Variants in PIK3C2B observed in about 807,000 individuals in gnomAD.
The protein encoded by PIK3C2B is phosphatidylinositol-4-phosphate 3-kinase catalytic subunit type 2 beta.
PIK3C2B carries 83 observed loss-of-function variants against 184.3 expected under a neutral mutation model. That is an observed-to-expected ratio of 0.45 (90% confidence interval 0.38 to 0.54). The LOEUF is 0.54. Ranked by LOEUF, PIK3C2B falls within the 20% of genes least tolerant of loss-of-function variation. The pLI, the probability that PIK3C2B is intolerant of heterozygous loss-of-function variation, is 0.00. For synonymous variants in PIK3C2B, 779 were observed against 837.6 expected (o/e 0.93, Z 1.21); for missense variants, 1,736 against 2,113.5 (o/e 0.82, Z 3.50).
chr1:204,482,224 A>G lies in PIK3C2B; in HGVS notation c.-85+12132T>C, dbSNP rs946320655. 4.6e-5 allele frequency among the ~76,000 whole-genome samples: 7 copies of G among 151,732 alleles called. 1 individual carries two copies. Among genetic ancestry groups the G allele is most frequent in the Admixed American group, 3.3e-4 (5 of 15,248 alleles). On this transcript the variant is annotated intron_variant, in intron 1 of 32. Coordinates refer to ENST00000684373, the MANE Select transcript of PIK3C2B (RefSeq NM_001377334.1). ...GCCCCTCTAGAGTACAGTCCCCACAATGCTGCCCACTGGGCAGCCTGCCCC... is the reference window on the plus strand; with the variant it reads ...GCCCCTCTAGAGTACAGTCCCCACAGTGCTGCCCACTGGGCAGCCTGCCCC...
chr1:204,456,037 C>A lies in PIK3C2B; in HGVS notation c.1762G>T (p.Ala588Ser), dbSNP rs2103498047. 3 of 1,612,826 alleles carry A rather than the reference C, an allele frequency of 1.9e-6. No homozygotes were observed. Among genetic ancestry groups the A allele is most frequent in the Middle Eastern group, 1.7e-4 (1 of 6,056 alleles). The change falls in exon 11 of 33, where the codon GCC becomes TCC. Residue 588 changes from alanine to serine, a missense_variant. Transcript: ENST00000684373. The stretch of plus-strand genomic sequence containing the variant: ...AGGTCCAAGATGGCAGCGGTCAGGG[C>A]TTCCACGACCTTCTCTGGGAAGGGA... Reference protein sequence around the residue: ...VRENREKVVEALTAAILDLVE... With the variant: ...VRENREKVVESLTAAILDLVE...
rs768605533 is a variant in PIK3C2B, at chr1:204,449,302, A to G, written c.2235-6T>C. On this transcript the variant is annotated splice_region_variant and splice_polypyrimidine_tract_variant and intron_variant, in intron 13 of 32. Transcript: ENST00000684373. ...TCCGGCCACAGGTCAGGACCCTAAG[A>G]AGGAGGGAGAGTGGGAAGAGCTGCT... 6.2e-7 allele frequency: 1 copy of G among 1,601,842 alleles called. No individual in the cohort carries two copies. Among genetic ancestry groups the G allele is most frequent in the East Asian group, 2.2e-5 (1 of 44,700 alleles).
chr1:204,465,138 TAAAG>T, intron 3 of PIK3C2B, 77 bp downstream of exon 3: 1 of 841,416 alleles, frequency 1.2e-6, no homozygotes. Flanking sequence ...TCTTCCCTCC[TAAAG>T]AAAGTTTGGA....
chr1:204,474,808 C>T (rs1656590843), intron 1 of PIK3C2B, among the ~76,000 whole-genome samples: 1 of 151,978 alleles, frequency 6.6e-6, no homozygotes, highest in Admixed American at 6.5e-5. Context: ...TCCAAATGTC[C>T]AAAACTCAAC....
In PIK3C2B at chr1:204,454,700, A is replaced by G. The variant is rs757978385; in HGVS notation, c.2035T>C (p.Tyr679His). The change falls in exon 12 of 33, where the codon TAC (tyrosine) becomes CAC (histidine). Residue 679 changes from tyrosine (Y) to histidine (H), a missense_variant. Physicochemically the swap from Tyr to His is moderately conservative, Grantham distance 83. Around this residue, in one of 8 missense-constraint regions of PIK3C2B, gnomAD observed 609 missense variants for 699.2 expected, o/e 0.87. Transcript: ENST00000684373. ...TCCCAGACGATGAGGTGGAAGAGGT[A>G]CTTGGAGAAGTGAGCTCTTCGGGTC... ...LQTRRAHFSK[Y>H]LFHLIVWDQQ... 3.1e-6 allele frequency: 5 copies of G among 1,613,252 alleles called. No individual in the cohort carries two copies. Among genetic ancestry groups the G allele is most frequent in the Non-Finnish European group, 4.2e-6 (5 of 1,179,960 alleles).
chr1:204,467,314 G>T, intron 2 of PIK3C2B: 1 of 177,868 alleles, frequency 5.6e-6, no homozygotes, highest in East Asian at 1.6e-4. Flanking sequence ...TCTCAGAGCA[G>T]GGCCTTTAAA....
At chr1:204,442,683 T>C (rs1003844100) in intron 19 of PIK3C2B, 50 bp from the exon 20 acceptor site, 7 of 1,280,652 alleles carry the variant, frequency 5.5e-6, no homozygotes, top group Non-Finnish European at 7.8e-6. Context: ...GGGTCCATAC[T>C]GAGAACCAGA....
intron 28 of PIK3C2B, among the ~76,000 whole-genome samples, chr1:204,430,962 A>G (rs561007385): frequency 3.3e-5 from 5 of 152,246 alleles, no homozygotes; most frequent in Non-Finnish European, 7.3e-5. Context: ...CCTGAAAAGT[A>G]GTTTTTAAAA....
At chr1:204,461,756 A>T (rs1367555381) in intron 5 of PIK3C2B, among the ~76,000 whole-genome samples, 1 of 149,920 alleles carries the variant, frequency 6.7e-6, no homozygotes, top group Admixed American at 6.6e-5. Flanking sequence ...CTGGTGGGAG[A>T]GCCTGGGAGG....
At position 204,432,180 on chromosome 1, in the gene PIK3C2B, A is replaced by G. The variant is rs1675097586; in HGVS notation, c.4155+20T>C. ...TCAGCAGAGAGCAGGAAAGGGGGTC[A>G]GATTGGAGAAAACACTTACATAGCC... On this transcript the variant is annotated intron_variant, in intron 27 of 32. Transcript: ENST00000684373. The G allele has an allele frequency of 6.2e-7, 1 of 1,605,996 alleles. No homozygotes were observed. The highest frequency in any genetic ancestry group is 1.3e-5 in the African/African-American group (1 of 74,758).
chr1:204,431,875 G>A, intron 27 of PIK3C2B, 82 bp from the exon 28 acceptor site: 2 of 1,530,496 alleles, frequency 1.3e-6, no homozygotes, highest in Non-Finnish European at 1.8e-6. Context: ...GGAAGTGTAT[G>A]TATGTGCTGA....
rs371279623 is a variant in PIK3C2B at position 204,468,907 on chromosome 1, G to T, written c.896C>A (p.Ala299Glu). ...AATCCGGCGGTTCTTGCCAGGCGTC[G>T]CATTCTTTCGGTTGCCATAGCGGGA... ...YASRYGNRKN[A>E]TPGKNRRISA... Residue 299 changes from alanine to glutamate, a missense_variant, in exon 2 of 33, where the codon GCG becomes GAG. Transcript: ENST00000684373. 207 of 1,600,060 alleles carry T rather than the reference G, an allele frequency of 1.3e-4. No homozygotes were observed. The highest frequency in any genetic ancestry group is 1.7e-4 in the Non-Finnish European group (202 of 1,172,016).
At chr1:204,448,936 G>A (rs1206232093) in intron 14 of PIK3C2B, among the ~76,000 whole-genome samples, 1 of 152,120 alleles carries the variant, frequency 6.6e-6, no homozygotes, top group Non-Finnish European at 1.5e-5. Flanking sequence ...AATGCAGAGG[G>A]TCTCAGACCC....
intron 15 of PIK3C2B, among the ~76,000 whole-genome samples, chr1:204,446,509 T>A (rs1653876931): frequency 6.6e-6 from 1 of 152,200 alleles, no homozygotes; most frequent in Non-Finnish European, 1.5e-5. Context: ...GGGCACCGAA[T>A]CTGCTACCCC....
intron 1 of PIK3C2B, among the ~76,000 whole-genome samples, chr1:204,488,947 T>C (rs771080349): frequency 5.9e-5 from 9 of 152,182 alleles, no homozygotes; most frequent in South Asian, 2.1e-4. Context: ...TGTGATCCTA[T>C]TGTCTTCCAG....
intron 14 of PIK3C2B, 151 bp downstream of exon 14, chr1:204,449,034 T>C (rs1275129592): frequency 4.7e-6 from 3 of 640,852 alleles, no homozygotes; most frequent in Non-Finnish European, 5.6e-6. Flanking sequence ...CATCTAACCA[T>C]ATTCCCTCAG....
intron 1 of PIK3C2B, among the ~76,000 whole-genome samples, chr1:204,478,426 AG>A (rs1441658595): frequency 6.6e-6 from 1 of 152,190 alleles, no homozygotes; most frequent in African/African-American, 2.4e-5. Context: ...AGGTCAAGCA[AG>A]CCGGCTCCCC....
At chr1:204,448,261 C>T (rs1312653160) in intron 14 of PIK3C2B, among the ~76,000 whole-genome samples, 7 of 151,878 alleles carry the variant, frequency 4.6e-5, no homozygotes, top group Admixed American at 4.6e-4. Context: ...TTTACAGGCA[C>T]CCGCCACCAC....
In PIK3C2B at chr1:204,468,943, C is replaced by CG. The variant is rs749506841; in HGVS notation, c.859dup (p.Arg287ProfsTer38). 9 of 1,613,398 alleles carry CG rather than the reference C, an allele frequency of 5.6e-6. No homozygotes were observed. Among genetic ancestry groups the CG allele is most frequent in the Non-Finnish European group, 5.9e-6 (7 of 1,179,772 alleles). On this transcript the variant is annotated frameshift_variant, in exon 2 of 33. Coordinates refer to ENST00000684373, the MANE Select transcript of PIK3C2B (RefSeq NM_001377334.1). LOFTEE classifies it high-confidence loss of function. ...GTTGCCATAGCGGGAGGCATAGGTGCGGGGGGGCACCTGAGGGGGCATAGT... is the reference window on the plus strand; with the variant it reads ...GTTGCCATAGCGGGAGGCATAGGTGCGGGGGGGGCACCTGAGGGGGCATAGT...
Sources: gnomAD v4.1 joint callset for allele counts (sites outside exome capture counted in the v4.1 genomes callset) on GRCh38, gnomAD v4.1.1 for gene constraint, gnomAD v4.1.1 regional missense constraint, MANE v1.5 for transcripts, NCBI Gene and HGNC (gene_info 2026-07-23, HGNC 2026-07-21) for gene names.